STXBP5L: variants seen among roughly 807,000 people sequenced by gnomAD.
STXBP5L encodes syntaxin binding protein 5L.
STXBP5L carries 65 observed loss-of-function variants against 144.5 expected under a neutral mutation model. The observed-to-expected ratio is 0.45, with a 90% CI of 0.37 to 0.55. STXBP5L has a LOEUF of 0.55. Among genes scored for constraint, STXBP5L ranks in the 20% least tolerant of loss-of-function variants. The pLI is 0.00. For synonymous variants in STXBP5L, 505 were observed against 469.6 expected, an observed-to-expected ratio of 1.08 and a Z score of -0.97; for missense variants, 1,298 against 1,405.5, an observed-to-expected ratio of 0.92 and a Z score of 1.22.
At chr3:121,278,641 G>A (rs547759869) in intron 18 of STXBP5L, among the ~76,000 whole-genome samples, 1 of 151,872 alleles carries the variant, frequency 6.6e-6, no homozygotes, top group African/African-American at 2.4e-5. Flanking sequence ...AAATTTCAAT[G>A]TACTTTAAAA....
Position 121,002,867 on chromosome 3 carries a change from C to A in STXBP5L, c.288-38833C>A, listed in dbSNP as rs550932415. ...GATGGTTTCCAGCTTCATCCATGTC[C>A]CTACAAAGAACATGAACTCATCATT... On this transcript the variant is annotated intron_variant, in intron 3 of 26. Coordinates refer to ENST00000471454, the MANE Select transcript of STXBP5L (RefSeq NM_001308330.2). Among the ~76,000 whole-genome samples, 3 of 152,108 alleles carry A rather than the reference C, an allele frequency of 2.0e-5. No homozygotes were observed. In the East Asian group the frequency reaches 5.8e-4, roughly 29 times the overall value.
intron 20 of STXBP5L, among the ~76,000 whole-genome samples, chr3:121,378,335 AT>A (rs986283597): frequency 4.6e-5 from 7 of 152,124 alleles, no homozygotes; most frequent in Non-Finnish European, 1.5e-5. Context: ...TTAAAGTAAA[AT>A]TTTTTTTAAA....
chr3:121,000,031 G>A (rs1046261701), intron 3 of STXBP5L, among the ~76,000 whole-genome samples: 17 of 152,098 alleles, frequency 1.1e-4, no homozygotes, highest in African/African-American at 3.4e-4. Context: ...CTCTCTAGCT[G>A]TCTTTAATAT....
chr3:121,232,407 A>C (rs1027005005), intron 11 of STXBP5L, among the ~76,000 whole-genome samples: 1 of 152,140 alleles, frequency 6.6e-6, no homozygotes, highest in African/African-American at 2.4e-5. Context: ...AAAAATAAAA[A>C]AGAGGAAAAA....
At position 121,300,104 on chromosome 3, in the gene STXBP5L, G is replaced by GA. The variant is rs539315447; in HGVS notation, c.2111-18366dup. On this transcript the variant is annotated intron_variant, in intron 19 of 26. Coordinates refer to ENST00000471454, the MANE Select transcript of STXBP5L (RefSeq NM_001308330.2). ...CATACACACACATACAAATACAAGG[G>GA]AAAAATATGAATAATGAGTGATTTT... Among the ~76,000 whole-genome samples, 20 of 151,910 alleles carry GA rather than the reference G, an allele frequency of 1.3e-4. No individual in the cohort carries two copies. In the South Asian group the frequency reaches 4.2e-3, roughly 32 times the overall value.
chr3:121,002,267 CATTGTT>C (rs1461551290), intron 3 of STXBP5L, among the ~76,000 whole-genome samples: 1 of 152,028 alleles, frequency 6.6e-6, no homozygotes, highest in East Asian at 1.9e-4. Flanking sequence ...GATAATATCT[CATTGTT>C]GTTTTCATTA....
chr3:120,975,519 A>G (rs916880739), intron 3 of STXBP5L, among the ~76,000 whole-genome samples: 2 of 152,120 alleles, frequency 1.3e-5, no homozygotes, highest in African/African-American at 4.8e-5. Flanking sequence ...TCTTTTCCTA[A>G]TTGAATACCC....
At chr3:120,952,076 A>G (rs866977156) in intron 2 of STXBP5L, among the ~76,000 whole-genome samples, 1 of 148,688 alleles carries the variant, frequency 6.7e-6, no homozygotes, top group African/African-American at 2.5e-5. Flanking sequence ...AACACCGCAT[A>G]TTCTCACTCA....
intron 9 of STXBP5L, among the ~76,000 whole-genome samples, chr3:121,190,427 C>A (rs1291378482): frequency 6.6e-6 from 1 of 152,240 alleles, no homozygotes; most frequent in African/African-American, 2.4e-5. Flanking sequence ...TAGTACAGAA[C>A]AAAATGGAGT....
intron 20 of STXBP5L, among the ~76,000 whole-genome samples, chr3:121,353,791 A>G (rs759949648): frequency 1.1e-4 from 16 of 152,056 alleles, no homozygotes; most frequent in Admixed American, 2.0e-4. Context: ...TCAATTTTAG[A>G]TCTTTCCTGC....
At chr3:121,000,105 A>G (rs1183338544) in intron 3 of STXBP5L, among the ~76,000 whole-genome samples, 1 of 152,032 alleles carries the variant, frequency 6.6e-6, no homozygotes, top group African/African-American at 2.4e-5. Context: ...GTCATCTTGC[A>G]TAGTATCTTC....
chr3:121,409,092 G>T (rs1443671178), intron 23 of STXBP5L, among the ~76,000 whole-genome samples: 19 of 151,838 alleles, frequency 1.3e-4, no homozygotes, highest in Admixed American at 1.3e-3. Flanking sequence ...AATATATGTG[G>T]AAGGTCCAGC....
chr3:121,161,461 C>A (rs76361748), intron 9 of STXBP5L, among the ~76,000 whole-genome samples: 1 of 151,542 alleles, frequency 6.6e-6, no homozygotes, highest in South Asian at 2.1e-4. Context: ...CAAAATTTTG[C>A]GGGGTATCTT....
chr3:121,046,336 T>A (rs1430176536), intron 5 of STXBP5L, among the ~76,000 whole-genome samples: 2 of 152,112 alleles, frequency 1.3e-5, no homozygotes, highest in African/African-American at 4.8e-5. Context: ...TTGTTGTATT[T>A]CTGCCAGGTT....
chr3:121,215,436 G>C (rs1374918740), intron 10 of STXBP5L, among the ~76,000 whole-genome samples: 4 of 152,116 alleles, frequency 2.6e-5, no homozygotes, highest in African/African-American at 9.7e-5. Context: ...TGTCTGTAAA[G>C]GATTTTATTT....
intron 22 of STXBP5L, among the ~76,000 whole-genome samples, chr3:121,389,833 G>C (rs1460703189): frequency 2.0e-5 from 3 of 152,290 alleles, no homozygotes; most frequent in South Asian, 2.1e-4. Context: ...GAACAAGTTT[G>C]ATGTGGTGCT....
intron 2 of STXBP5L, among the ~76,000 whole-genome samples, chr3:120,942,975 G>C (rs757604651): frequency 1.3e-5 from 2 of 151,338 alleles, no homozygotes; most frequent in Non-Finnish European, 3.0e-5. Context: ...ATATAATCAT[G>C]GTTTTATTCT....
chr3:121,249,880 A>G (rs1033631972), intron 14 of STXBP5L, among the ~76,000 whole-genome samples: 7 of 151,974 alleles, frequency 4.6e-5, no homozygotes, highest in African/African-American at 1.7e-4. Flanking sequence ...TTCCTAGTTT[A>G]TTGAAAGTTT....
chr3:121,201,209 G>A (rs2048125053), intron 9 of STXBP5L, among the ~76,000 whole-genome samples: 1 of 152,198 alleles, frequency 6.6e-6, no homozygotes, highest in South Asian at 2.1e-4. Context: ...TGTATTGGGA[G>A]CATATATGTT....
Sources: gnomAD v4.1 joint callset for allele counts (sites outside exome capture counted in the v4.1 genomes callset) on GRCh38, gnomAD v4.1.1 for gene constraint, MANE v1.5 for transcripts, NCBI Gene and HGNC (gene_info 2026-07-23, HGNC 2026-07-21) for gene names.